The following PDGFD variants were observed in gnomAD, a reference collection of about 807,000 sequenced individuals.
PDGFD encodes platelet-derived growth factor D.
In PDGFD, 30 loss-of-function variants were observed where a neutral mutation model predicts 44.7. The ratio of observed to expected loss-of-function variants is 0.67; its 90% CI spans 0.50 to 0.91. The LOEUF (loss-of-function observed/expected upper bound fraction) is 0.91. Among genes scored for constraint, PDGFD ranks in the 40% least tolerant of loss-of-function variants. PDGFD has a pLI of 0.00. For synonymous variants in PDGFD, 173 were observed against 168.4 expected (o/e 1.03, Z -0.21); for missense variants, 445 against 457.8 (o/e 0.97, Z 0.25).
At chr11:104,043,154 A>G (rs1226279128) in intron 1 of PDGFD, among the ~76,000 whole-genome samples, 1 of 152,212 alleles carries the variant, frequency 6.6e-6, no homozygotes, top group Non-Finnish European at 1.5e-5. Context: ...ATCACAAAAT[A>G]TAGAATATGG....
chr11:104,137,487 T>A (rs965079367), intron 1 of PDGFD, among the ~76,000 whole-genome samples: 1 of 152,068 alleles, frequency 6.6e-6, no homozygotes, highest in Non-Finnish European at 1.5e-5. Context: ...ATTTATCGTA[T>A]TGTTTCTAGA....
chr11:104,138,732 T>C (rs1862043599), intron 1 of PDGFD, among the ~76,000 whole-genome samples: 1 of 152,220 alleles, frequency 6.6e-6, no homozygotes, highest in Non-Finnish European at 1.5e-5. Context: ...AATGACTTTA[T>C]ACTTACAGTA....
chr11:104,036,741 G>C, intron 1 of PDGFD: 1 of 1,081,054 alleles, frequency 9.3e-7, no homozygotes, highest in South Asian at 1.4e-5. Context: ...GAGGAGCAGC[G>C]GCACCAACGA....
chr11:104,001,630 A>AGT, intron 1 of PDGFD, among the ~76,000 whole-genome samples: 2 of 152,214 alleles, frequency 1.3e-5, no homozygotes, highest in African/African-American at 4.8e-5. Context: ...TGCATCATAC[A>AGT]GTGGATCCCC....
At chr11:104,126,124 A>T (rs1329553980) in intron 1 of PDGFD, among the ~76,000 whole-genome samples, 1 of 152,130 alleles carries the variant, frequency 6.6e-6, no homozygotes, top group South Asian at 2.1e-4. Flanking sequence ...TCCTTAGCCT[A>T]TCACTGCTCC....
In PDGFD at chr11:104,120,490, G is replaced by C. The variant is rs73614585; in HGVS notation, c.124+43314C>G. On this transcript the variant is annotated intron_variant, in intron 1 of 6. Transcript: ENST00000393158. ...AGCATAAGTTCAAATTCTTGACCTG[G>C]CACCAACGGCCTTCGATCATTTATC... Among the ~76,000 whole-genome samples the C allele has an allele frequency of 2.6e-3, 402 of 151,812 alleles. 2 individuals are homozygous for C. Among genetic ancestry groups the C allele is most frequent in the African/African-American group, 9.6e-3 (397 of 41,454 alleles).
At chr11:104,157,686 G>C (rs189458648) in intron 1 of PDGFD, among the ~76,000 whole-genome samples, 2 of 152,174 alleles carry the variant, frequency 1.3e-5, no homozygotes, top group African/African-American at 4.8e-5. Flanking sequence ...AGGCATGCTG[G>C]ATTTTAACAT....
chr11:104,117,336 C>T (rs1042732080), intron 1 of PDGFD, among the ~76,000 whole-genome samples: 5 of 151,948 alleles, frequency 3.3e-5, no homozygotes, highest in Non-Finnish European at 7.4e-5. Context: ...CAAGGATGCC[C>T]ACCCTCACCA....
intron 5 of PDGFD, among the ~76,000 whole-genome samples, chr11:103,928,042 A>G (rs1426979050): frequency 6.6e-6 from 1 of 152,272 alleles, no homozygotes; most frequent in Non-Finnish European, 1.5e-5. Flanking sequence ...TGGACATTAT[A>G]TAAATGATTA....
intron 1 of PDGFD, among the ~76,000 whole-genome samples, chr11:104,162,928 A>C (rs1174033796): frequency 6.6e-6 from 1 of 152,156 alleles, no homozygotes; most frequent in Non-Finnish European, 1.5e-5. Context: ...GAACAGCTAA[A>C]ATTTGCTGGG....
intron 1 of PDGFD, among the ~76,000 whole-genome samples, chr11:104,089,093 T>A (rs1861175115): frequency 6.6e-6 from 1 of 152,200 alleles, no homozygotes; most frequent in Admixed American, 6.5e-5. Context: ...AAATTATGAA[T>A]CAGACACTGT....
At chr11:103,933,383 T>A (rs1388093445) in intron 5 of PDGFD, among the ~76,000 whole-genome samples, 2 of 152,196 alleles carry the variant, frequency 1.3e-5, no homozygotes, top group Non-Finnish European at 2.9e-5. Context: ...CACATTTCAA[T>A]CCCAATGCAG....
At chr11:103,947,209 T>G (rs1858679472) in intron 4 of PDGFD, among the ~76,000 whole-genome samples, 1 of 152,206 alleles carries the variant, frequency 6.6e-6, no homozygotes, top group South Asian at 2.1e-4. Context: ...ATGCCTGATT[T>G]GCACTTATTA....
intron 1 of PDGFD, among the ~76,000 whole-genome samples, chr11:104,028,130 T>C (rs1471094758): frequency 6.8e-6 from 1 of 146,756 alleles, no homozygotes; most frequent in Admixed American, 7.0e-5. Context: ...GCGGAGCTTG[T>C]AGTGAGCCGA....
intron 5 of PDGFD, among the ~76,000 whole-genome samples, chr11:103,938,232 T>G (rs899929419): frequency 1.3e-5 from 2 of 152,190 alleles, no homozygotes; most frequent in East Asian, 1.9e-4. Flanking sequence ...CCTGACTTTT[T>G]AATGATTGCC....
chr11:104,144,611 C>A (rs1195313612), intron 1 of PDGFD, among the ~76,000 whole-genome samples: 3 of 151,374 alleles, frequency 2.0e-5, no homozygotes, highest in Admixed American at 2.0e-4. Flanking sequence ...TATGATACAA[C>A]CAATTCAATG....
chr11:104,140,351 C>T (rs1370496865), intron 1 of PDGFD, among the ~76,000 whole-genome samples: 1 of 152,056 alleles, frequency 6.6e-6, no homozygotes, highest in Non-Finnish European at 1.5e-5. Flanking sequence ...AGCAGATTCA[C>T]ACATAAACAT....
At chr11:104,037,342 G>T (rs1014671227) in intron 1 of PDGFD, 1 of 1,614,084 alleles carries the variant, frequency 6.2e-7, no homozygotes, top group Non-Finnish European at 8.5e-7. Flanking sequence ...CCTGCTCAGC[G>T]GAAGCCTTGA....
chr11:104,099,880 G>A (rs922783150), intron 1 of PDGFD, among the ~76,000 whole-genome samples: 2 of 151,830 alleles, frequency 1.3e-5, no homozygotes, highest in African/African-American at 4.8e-5. Flanking sequence ...GTCTAAGCTC[G>A]TACATGCATT....
Sources: allele counts gnomAD v4.1 joint callset (sites outside exome capture counted in the v4.1 genomes callset), GRCh38; gene constraint gnomAD v4.1.1; transcripts MANE v1.5; gene names NCBI Gene and HGNC (gene_info 2026-07-23, HGNC 2026-07-21).